HECW2: variants seen among roughly 807,000 people sequenced by gnomAD.
The protein encoded by HECW2 is HECT, C2 and WW domain containing E3 ubiquitin protein ligase 2, also known as E3 ubiquitin-protein ligase HECW2.
In HECW2, 61 loss-of-function variants were observed where a neutral mutation model predicts 175.2. That is an observed-to-expected ratio of 0.35 (90% CI 0.28 to 0.43). The LOEUF is 0.43. Among genes scored for constraint, HECW2 ranks in the 20% least tolerant of loss-of-function variants. The pLI is 1.00. For missense variants in HECW2, 1,524 were observed against 2,000.5 expected (o/e 0.76, Z 4.54); for synonymous variants, 671 against 731.0 (o/e 0.92, Z 1.32).
At position 196,319,107 on chromosome 2, in the gene HECW2, C is replaced by T. The variant is rs375273840; in HGVS notation, c.1783G>A (p.Val595Ile). 34 of 1,594,402 alleles carry T rather than the reference C, an allele frequency of 2.1e-5. No homozygotes were observed. The highest frequency in any genetic ancestry group is 1.7e-4 in the Middle Eastern group (1 of 5,978). Residue 595 changes from valine to isoleucine, a missense_variant, in exon 9 of 29, where the codon GTC (valine) becomes ATC (isoleucine). Around this residue, in one of 11 missense-constraint regions of HECW2, gnomAD observed 604 missense variants for 588.3 expected, o/e 1.03. Coordinates refer to ENST00000644978, the MANE Select transcript of HECW2 (RefSeq NM_001348768.2). ...TGATCGAGAGACTCGGTCTCACTGA[C>T]GGCTCTTCGGCTTCCTCCTGATGCA... is the stretch of plus-strand genomic sequence containing the variant. Reference protein sequence around the residue: ...SDASGGSRRAVSETESLDQGS... With the variant: ...SDASGGSRRAISETESLDQGS...
At chr2:196,248,619 C>CAG (rs1353938102) in intron 19 of HECW2, among the ~76,000 whole-genome samples, 52 of 143,478 alleles carry the variant, frequency 3.6e-4, no homozygotes, top group African/African-American at 1.3e-3. Flanking sequence ...CACACACACA[C>CAG]ACACACACAC....
intron 2 of HECW2, among the ~76,000 whole-genome samples, chr2:196,394,072 T>C (rs1347831182): frequency 6.7e-6 from 1 of 150,198 alleles, no homozygotes; most frequent in Non-Finnish European, 1.5e-5. Context: ...CCACATGTTC[T>C]CACTCATAGG....
chr2:196,543,506 G>A (rs185767850), intron 1 of HECW2, among the ~76,000 whole-genome samples: 147 of 152,196 alleles, frequency 9.7e-4, no homozygotes, highest in African/African-American at 3.4e-3. Flanking sequence ...CAGATGCGAG[G>A]TAATTACAAA....
At chr2:196,590,168 C>A (rs1246155168) in intron 1 of HECW2, among the ~76,000 whole-genome samples, 2 of 151,984 alleles carry the variant, frequency 1.3e-5, no homozygotes, top group East Asian at 1.9e-4. Flanking sequence ...TCACCCAAAC[C>A]AGGACACTTT....
At chr2:196,281,198 G>A (rs973106253) in intron 14 of HECW2, among the ~76,000 whole-genome samples, 2 of 152,216 alleles carry the variant, frequency 1.3e-5, no homozygotes, top group East Asian at 3.9e-4. Flanking sequence ...AGTAGTGACT[G>A]TATCTTAGTC....
chr2:196,344,013 A>G (rs1369698579), intron 2 of HECW2, among the ~76,000 whole-genome samples: 1 of 152,222 alleles, frequency 6.6e-6, no homozygotes, highest in Non-Finnish European at 1.5e-5. Context: ...ATGTTGCCAA[A>G]AGACAAAACT....
intron 1 of HECW2, among the ~76,000 whole-genome samples, chr2:196,579,728 T>C (rs964488728): frequency 6.6e-6 from 1 of 152,132 alleles, no homozygotes; most frequent in Non-Finnish European, 1.5e-5. Context: ...TAGACCTTAA[T>C]CTAATCTGAC....
At chr2:196,225,639 C>A in intron 23 of HECW2, 133 bp downstream of exon 23, 1 of 576,162 alleles carries the variant, frequency 1.7e-6, no homozygotes, top group Non-Finnish European at 3.2e-6. Flanking sequence ...GAAATCTAAA[C>A]CACTATTAGG....
intron 1 of HECW2, among the ~76,000 whole-genome samples, chr2:196,579,937 G>A (rs1690709016): frequency 6.6e-6 from 1 of 152,134 alleles, no homozygotes; most frequent in Non-Finnish European, 1.5e-5. Context: ...ATAAATTTCT[G>A]TTGTGTAAGT....
At position 196,343,709 on chromosome 2, in the gene HECW2, T is replaced by C; in HGVS notation, c.348A>G (p.Thr116=). ...WDSKNRGVTG[T]QKGQIVWRIE... is the part of the protein sequence containing the mutation. Reference sequence around the variant, plus strand: ...TTCTCCATACAATTTGCCCTTTTTGTGTTCCAGTCACACCCCTGTTCTTAG... The same window carrying C: ...TTCTCCATACAATTTGCCCTTTTTGCGTTCCAGTCACACCCCTGTTCTTAG... The change falls in exon 3 of 29, where the codon ACA becomes ACG. Residue 116 remains threonine (T), a synonymous_variant. Transcript: ENST00000644978. 4 of 1,614,020 alleles carry C rather than the reference T, an allele frequency of 2.5e-6. No individual in the cohort carries two copies. The highest frequency in any genetic ancestry group is 3.4e-6 in the Non-Finnish European group (4 of 1,179,890).
intron 4 of HECW2, 138 bp from the exon 5 acceptor site, chr2:196,329,788 A>G: frequency 1.6e-6 from 1 of 608,332 alleles, no homozygotes; most frequent in South Asian, 2.3e-5. Flanking sequence ...TCATTTCCCA[A>G]TCTTGGAACA....
rs145372135 is a variant in HECW2 at position 196,587,885 on chromosome 2, T to A, written c.-36+5623A>T. Among the ~76,000 whole-genome samples the A allele has an allele frequency of 1.8e-4, 27 of 152,336 alleles. No individual in the cohort carries two copies. The East Asian group carries it at 5.2e-3, about 29-fold the overall frequency. On this transcript the variant is annotated intron_variant, in intron 1 of 28. Coordinates refer to ENST00000644978, the MANE Select transcript of HECW2 (RefSeq NM_001348768.2). ...CCACCCTTCTGGTCTCATTTCTGACTTCCCCCTTGTCATTCCACCCCATCA... is the reference window on the plus strand; with the variant it reads ...CCACCCTTCTGGTCTCATTTCTGACATCCCCCTTGTCATTCCACCCCATCA...
chr2:196,246,927 CCATCATGAAAGAAGT>C (rs1688667658), intron 19 of HECW2, among the ~76,000 whole-genome samples: 1 of 152,208 alleles, frequency 6.6e-6, no homozygotes, highest in African/African-American at 2.4e-5. Flanking sequence ...GCTCATAGTT[CCATCATGAAAGAAGT>C]CATTTACACA....
chr2:196,231,253 T>C (rs1688046816), intron 21 of HECW2, among the ~76,000 whole-genome samples: 1 of 152,160 alleles, frequency 6.6e-6, no homozygotes, highest in South Asian at 2.1e-4. Flanking sequence ...CATCATTTTA[T>C]AGAGACGACT....
At chr2:196,357,269 T>C (rs1693406850) in intron 2 of HECW2, among the ~76,000 whole-genome samples, 1 of 149,030 alleles carries the variant, frequency 6.7e-6, no homozygotes, top group Admixed American at 6.6e-5. Flanking sequence ...TCCACCTTAG[T>C]GCAAAAGGCT....
chr2:196,433,407 C>T lies in HECW2; in HGVS notation c.17G>A (p.Arg6Gln), dbSNP rs757254344. Residue 6 changes from arginine (R) to glutamine (Q), a missense_variant, in exon 2 of 29, where the codon CGG (arginine) becomes CAG (glutamine). Physicochemically the swap from Arg to Gln is conservative, Grantham distance 43. Transcript: ENST00000644978. MASSA[R>Q]EHLLFVRRRN... ...ACGCCTCACAAAAAGCAGGTGCTCCCGGGCTGAACTAGCCATCCCGTCTGC... is the reference window on the plus strand; with the variant it reads ...ACGCCTCACAAAAAGCAGGTGCTCCTGGGCTGAACTAGCCATCCCGTCTGC... 1.2e-5 allele frequency: 20 copies of T among 1,613,470 alleles called. No individual in the cohort carries two copies. Among genetic ancestry groups the T allele is most frequent in the South Asian group, 4.4e-5 (4 of 91,028 alleles).
intron 2 of HECW2, among the ~76,000 whole-genome samples, chr2:196,387,058 A>C (rs190742385): frequency 1.3e-5 from 2 of 152,298 alleles, no homozygotes; most frequent in African/African-American, 4.8e-5. Flanking sequence ...CTATTAGAAA[A>C]GTATTTTGTT....
intron 1 of HECW2, among the ~76,000 whole-genome samples, chr2:196,499,015 C>T (rs74825501): frequency 0.012 from 1,857 of 152,182 alleles, 44 homozygotes; most frequent in African/African-American, 0.043. Flanking sequence ...ACCAATTAGC[C>T]TTCCCTATTC....
At chr2:196,378,483 C>T (rs1475973907) in intron 2 of HECW2, among the ~76,000 whole-genome samples, 2 of 152,214 alleles carry the variant, frequency 1.3e-5, no homozygotes, top group South Asian at 2.1e-4. Context: ...TTCATTAGAA[C>T]ACATGAAAAT....
Sources: gnomAD v4.1 joint callset for allele counts (sites outside exome capture counted in the v4.1 genomes callset) on GRCh38, gnomAD v4.1.1 for gene constraint, gnomAD v4.1.1 regional missense constraint, MANE v1.5 for transcripts, NCBI Gene and HGNC (gene_info 2026-07-23, HGNC 2026-07-21) for gene names.